NEK7: variants seen among roughly 807,000 people sequenced by gnomAD.
NEK7 encodes the protein NIMA related kinase 7, also known as serine/threonine-protein kinase Nek7.
NEK7 carries 18 observed loss-of-function variants against 44.6 expected under a neutral mutation model. That is an observed-to-expected ratio of 0.40 (90% CI 0.28 to 0.60). The LOEUF (loss-of-function observed/expected upper bound fraction) is 0.60. Among genes scored for constraint, NEK7 ranks in the 20% least tolerant of loss-of-function variants. The pLI, the probability that NEK7 is intolerant of heterozygous loss-of-function variation, is 0.38. For missense variants in NEK7, 256 were observed against 366.5 expected (o/e 0.70, Z 2.46); for synonymous variants, 130 against 121.1 (o/e 1.07, Z -0.48).
chr1:198,321,351 T>C lies in NEK7; in HGVS notation c.*1829T>C, dbSNP rs1222785011. 12 of 152,186 alleles carry C rather than the reference T, an allele frequency of 7.9e-5. No homozygotes were observed. The highest frequency in any genetic ancestry group is 7.9e-4 in the Admixed American group (12 of 15,280). 9.4% of individuals were successfully genotyped at this position (152,186 alleles called of 1,614,324 possible). ...TCACACTCTTAATGACTTTTAACAT[T>C]TATACTGAGCATCCATAGATATATT... On this transcript the variant is annotated 3_prime_UTR_variant, in exon 10 of 10. Coordinates refer to ENST00000367385, the MANE Select transcript of NEK7 (RefSeq NM_133494.3).
At chr1:198,306,035 T>C (rs1655016278) in intron 9 of NEK7, among the ~76,000 whole-genome samples, 1 of 152,144 alleles carries the variant, frequency 6.6e-6, no homozygotes, top group African/African-American at 2.4e-5. Context: ...TCGGTTCAAA[T>C]CCAGGCTTTG....
At position 198,288,474 on chromosome 1, in the gene NEK7, TA is replaced by T. The variant is rs1190036573; in HGVS notation, c.590-4470del. 5.9e-5 allele frequency among the ~76,000 whole-genome samples: 9 copies of T among 151,618 alleles called. No individual in the cohort carries two copies. The East Asian group carries it at 9.7e-4, about 16-fold the overall frequency. On this transcript the variant is annotated intron_variant, in intron 7 of 9. Transcript: ENST00000367385. The stretch of plus-strand genomic sequence containing the variant: ...GCTTCTTAATTTGGAAAGATACAGA[TA>T]TTTTTTTCAGTTGTATTTCACAGTG...
rs1571522991 is a variant in NEK7, at chr1:198,197,943, G to T, written c.-28-34610G>T. The stretch of plus-strand genomic sequence containing the variant: ...AAGGGATTCACAGGAGGCATCCAGG[G>T]GCAGGTGGTGGGTATGGAGGAGGGT... On this transcript the variant is annotated intron_variant, in intron 1 of 9. Coordinates refer to ENST00000367385, the MANE Select transcript of NEK7 (RefSeq NM_133494.3). 2.8e-5 allele frequency: 43 copies of T among 1,512,788 alleles called. No individual in the cohort carries two copies. In the East Asian group the frequency reaches 8.9e-4, roughly 31 times the overall value. The allele number at this position is 1,512,788 out of a possible 1,614,324, so 93.7% of individuals were successfully genotyped here.
intron 1 of NEK7, among the ~76,000 whole-genome samples, chr1:198,164,431 C>T (rs1664204522): frequency 1.3e-5 from 2 of 152,272 alleles, no homozygotes; most frequent in South Asian, 4.1e-4. Flanking sequence ...ATGCTGTGGG[C>T]CCTAGCTCTA....
At chr1:198,314,446 G>C (rs941613988) in intron 9 of NEK7, among the ~76,000 whole-genome samples, 2 of 152,198 alleles carry the variant, frequency 1.3e-5, no homozygotes, top group Non-Finnish European at 2.9e-5. Flanking sequence ...CAAAGTCATT[G>C]TCAGTCCAGC....
chr1:198,225,251 G>C (rs1281748905), intron 1 of NEK7, among the ~76,000 whole-genome samples: 1 of 95,246 alleles, frequency 1.0e-5, no homozygotes, highest in East Asian at 6.3e-4. Flanking sequence ...AAGCGTGTAG[G>C]TTACAAAAAA....
chr1:198,198,838 A>C (rs559181432), intron 1 of NEK7, among the ~76,000 whole-genome samples: 4 of 152,348 alleles, frequency 2.6e-5, no homozygotes, highest in Admixed American at 2.6e-4. Flanking sequence ...TGTAGTCCTT[A>C]TAATTACTAC....
chr1:198,232,484 CG>C (rs1440941524), intron 1 of NEK7, 68 bp from the exon 2 acceptor site: 14 of 719,228 alleles, frequency 1.9e-5, no homozygotes, highest in Non-Finnish European at 2.5e-6. Flanking sequence ...ATGCATGTGT[CG>C]GTGTATGATG....
At chr1:198,192,147 TTTATC>T (rs1221520024) in intron 1 of NEK7, among the ~76,000 whole-genome samples, 9 of 152,082 alleles carry the variant, frequency 5.9e-5, no homozygotes, top group Admixed American at 6.5e-5. Flanking sequence ...AGTTGTTTGT[TTTATC>T]TTATGTTTTC....
intron 4 of NEK7, among the ~76,000 whole-genome samples, chr1:198,262,901 G>A (rs756353551): frequency 1.9e-4 from 29 of 151,648 alleles, no homozygotes; most frequent in Non-Finnish European, 3.0e-5. Context: ...ATAAAACATT[G>A]AAGAATTTTT....
intron 9 of NEK7, among the ~76,000 whole-genome samples, chr1:198,304,106 C>T (rs1052686371): frequency 2.0e-5 from 3 of 152,128 alleles, no homozygotes; most frequent in Non-Finnish European, 2.9e-5. Context: ...TTCACCTATG[C>T]TTCTGAAGCA....
intron 5 of NEK7, among the ~76,000 whole-genome samples, chr1:198,271,135 T>C (rs1270332008): frequency 6.6e-6 from 1 of 152,074 alleles, no homozygotes; most frequent in Non-Finnish European, 1.5e-5. Context: ...TTCAGATCTC[T>C]CTTGACTTTT....
intron 3 of NEK7, chr1:198,256,584 GC>G: frequency 7.4e-7 from 1 of 1,351,940 alleles, no homozygotes; most frequent in Non-Finnish European, 9.8e-7. Context: ...TTCCCTTCCT[GC>G]TGATCATTGA....
chr1:198,215,781 C>T (rs1665900970), intron 1 of NEK7, among the ~76,000 whole-genome samples: 1 of 148,166 alleles, frequency 6.7e-6, no homozygotes, highest in African/African-American at 2.5e-5. Context: ...ATAAAACTGT[C>T]TTTAAAGCAG....
chr1:198,297,318 A>G, intron 9 of NEK7, 78 bp downstream of exon 9: 1 of 1,577,650 alleles, frequency 6.3e-7, no homozygotes, highest in Non-Finnish European at 8.6e-7. Context: ...ATTTTACTTT[A>G]TCCAAAAATG....
intron 1 of NEK7, among the ~76,000 whole-genome samples, chr1:198,231,338 A>T (rs112137157): frequency 0.015 from 1,740 of 112,278 alleles, 24 homozygotes; most frequent in African/African-American, 0.053. Flanking sequence ...TATATATATA[A>T]AAACACATGA....
intron 2 of NEK7, among the ~76,000 whole-genome samples, chr1:198,238,463 T>C (rs1666596822): frequency 6.8e-6 from 1 of 147,470 alleles, no homozygotes; most frequent in Non-Finnish European, 1.5e-5. Flanking sequence ...CTCACATGAA[T>C]TGAAAATTTA....
chr1:198,229,917 G>A (rs1210280395), intron 1 of NEK7, among the ~76,000 whole-genome samples: 1 of 152,078 alleles, frequency 6.6e-6, no homozygotes, highest in African/African-American at 2.4e-5. Context: ...TCACGTATCA[G>A]TAGCTATAGC....
chr1:198,276,513 T>A (rs1163668261), intron 5 of NEK7, among the ~76,000 whole-genome samples: 1 of 151,680 alleles, frequency 6.6e-6, no homozygotes, highest in Non-Finnish European at 1.5e-5. Context: ...CCCCTTTGAA[T>A]GAAAACTGAT....
Sources: gnomAD v4.1 joint callset for allele counts (sites outside exome capture counted in the v4.1 genomes callset) on GRCh38, gnomAD v4.1.1 for gene constraint, MANE v1.5 for transcripts, NCBI Gene and HGNC (gene_info 2026-07-23, HGNC 2026-07-21) for gene names.